SUGCT: variants seen among roughly 807,000 people sequenced by gnomAD.
The protein encoded by SUGCT is succinyl-CoA:glutarate-CoA transferase.
Under a neutral mutation model 55.0 loss-of-function variants are expected in SUGCT, and 41 were observed. That is an observed-to-expected ratio of 0.74 (90% CI 0.58 to 0.97). SUGCT has a LOEUF of 0.97. Among genes scored for constraint, SUGCT ranks in the 50% least tolerant of loss-of-function variants. The pLI, the probability that SUGCT is intolerant of heterozygous loss-of-function variation, is 0.00. For synonymous variants in SUGCT, 187 were observed against 200.4 expected (o/e 0.93, Z 0.56); for missense variants, 568 against 547.8 (o/e 1.04, Z -0.37).
chr7:40,323,642 C>A (rs1176722699), intron 9 of SUGCT, among the ~76,000 whole-genome samples: 1 of 152,164 alleles, frequency 6.6e-6, no homozygotes. Flanking sequence ...ATCTTCCCAC[C>A]TTCACCTCCC....
intron 1 of SUGCT, among the ~76,000 whole-genome samples, chr7:40,161,618 G>A (rs1349926303): frequency 1.3e-5 from 2 of 152,192 alleles, no homozygotes; most frequent in Non-Finnish European, 2.9e-5. Flanking sequence ...GGAGAATCAC[G>A]TCACCAATGT....
intron 7 of SUGCT, among the ~76,000 whole-genome samples, chr7:40,264,505 G>C (rs900544769): frequency 6.6e-6 from 1 of 152,188 alleles, no homozygotes; most frequent in Non-Finnish European, 1.5e-5. Context: ...TGCCCATGAA[G>C]TGTGAATGCA....
chr7:41,022,669 T>C, the SUGCT span, among the ~76,000 whole-genome samples: 1 of 152,182 alleles, frequency 6.6e-6, no homozygotes, highest in Non-Finnish European at 1.5e-5. Flanking sequence ...TCCATAGAAC[T>C]AATATATTTT....
At chr7:40,463,300 G>T (rs1724616237) in intron 11 of SUGCT, among the ~76,000 whole-genome samples, 1 of 152,116 alleles carries the variant, frequency 6.6e-6, no homozygotes, top group African/African-American at 2.4e-5. Flanking sequence ...ATTTTAAAAA[G>T]TTTTCTCATC....
intron 13 of SUGCT, among the ~76,000 whole-genome samples, chr7:40,842,771 A>G (rs1042586104): frequency 6.6e-6 from 1 of 152,198 alleles, no homozygotes; most frequent in Non-Finnish European, 1.5e-5. Context: ...AGAATGTTTC[A>G]TTTTTGGAAT....
chr7:41,009,941 C>T, the SUGCT span, among the ~76,000 whole-genome samples: 1 of 152,166 alleles, frequency 6.6e-6, no homozygotes, highest in African/African-American at 2.4e-5. Context: ...AAGAAACTTC[C>T]CTTGAGATAT....
chr7:40,162,989 A>G (rs983746750), intron 1 of SUGCT, among the ~76,000 whole-genome samples: 19 of 152,212 alleles, frequency 1.2e-4, no homozygotes, highest in African/African-American at 4.3e-4. Flanking sequence ...GTTGCTCAAT[A>G]CAATAAAAAC....
At chr7:40,836,243 A>C (rs1194701849) in intron 13 of SUGCT, among the ~76,000 whole-genome samples, 8 of 152,184 alleles carry the variant, frequency 5.3e-5, no homozygotes, top group Non-Finnish European at 8.8e-5. Flanking sequence ...CAAAATGAAA[A>C]GCATTAATCA....
intron 1 of SUGCT, among the ~76,000 whole-genome samples, chr7:40,167,405 GA>G (rs1784472932): frequency 6.6e-6 from 1 of 152,352 alleles, no homozygotes; most frequent in South Asian, 2.1e-4. Context: ...TTAGGTGCTA[GA>G]AAGTTCTCTT....
intron 8 of SUGCT, among the ~76,000 whole-genome samples, chr7:40,295,116 C>G (rs2151062986): frequency 6.6e-6 from 1 of 152,126 alleles, no homozygotes; most frequent in South Asian, 2.1e-4. Context: ...AAGTATGGAG[C>G]ATAGTACTTT....
intron 9 of SUGCT, among the ~76,000 whole-genome samples, chr7:40,423,466 G>T (rs539540905): frequency 2.6e-5 from 4 of 151,962 alleles, no homozygotes; most frequent in African/African-American, 7.2e-5. Context: ...ATATAACTTT[G>T]CTTTACAGTA....
chr7:40,432,366 A>C (rs987510248), intron 9 of SUGCT, among the ~76,000 whole-genome samples: 3 of 152,080 alleles, frequency 2.0e-5, no homozygotes, highest in African/African-American at 7.2e-5. Flanking sequence ...TTTTGTACAT[A>C]ATGAGTCAAT....
chr7:40,621,922 C>G (rs1478764666), intron 12 of SUGCT, among the ~76,000 whole-genome samples: 2 of 152,174 alleles, frequency 1.3e-5, no homozygotes, highest in African/African-American at 2.4e-5. Flanking sequence ...CATTCCCTCC[C>G]CCAACTTCTG....
rs577721902 is a variant in SUGCT, at chr7:40,416,097, A to C, written c.817-33190A>C. Among the ~76,000 whole-genome samples the C allele has an allele frequency of 2.0e-5, 3 of 152,084 alleles. No individual in the cohort carries two copies. The East Asian group carries it at 5.8e-4, about 29-fold the overall frequency. On this transcript the variant is annotated intron_variant, in intron 9 of 13. Transcript: ENST00000335693. ...GCATGAAGTCTTCTTTTCCAAGGAC[A>C]TTGTTTGCCTATGTACTTGTTCAAA...
chr7:40,512,658 T>G (rs1032832821), intron 12 of SUGCT, among the ~76,000 whole-genome samples: 1 of 152,194 alleles, frequency 6.6e-6, no homozygotes, highest in African/African-American at 2.4e-5. Context: ...TGGAAATTTT[T>G]TTTTTAAGAT....
chr7:40,557,895 A>G (rs1002040731), intron 12 of SUGCT, among the ~76,000 whole-genome samples: 1 of 152,162 alleles, frequency 6.6e-6, no homozygotes, highest in African/African-American at 2.4e-5. Context: ...TATTTAAAGA[A>G]CCTTTATTGG....
intron 13 of SUGCT, 83 bp downstream of exon 13, chr7:40,749,580 T>C (rs779421367): frequency 1.8e-6 from 2 of 1,112,638 alleles, no homozygotes; most frequent in Non-Finnish European, 2.7e-6. Context: ...GCTTATGAGC[T>C]CCCAAACAAC....
intron 12 of SUGCT, among the ~76,000 whole-genome samples, chr7:40,583,849 T>C (rs974085563): frequency 5.3e-5 from 8 of 152,342 alleles, no homozygotes; most frequent in African/African-American, 1.4e-4. Flanking sequence ...ATTGTGCTTA[T>C]GTAACCCAGT....
At chr7:40,932,983 C>T in the SUGCT span, among the ~76,000 whole-genome samples, 5 of 152,014 alleles carry the variant, frequency 3.3e-5, no homozygotes, top group East Asian at 1.9e-4. Context: ...TTATGATGTT[C>T]GCTGGTTATT....
Sources: gnomAD v4.1 joint callset for allele counts (sites outside exome capture counted in the v4.1 genomes callset) on GRCh38, gnomAD v4.1.1 for gene constraint, MANE v1.5 for transcripts, NCBI Gene and HGNC (gene_info 2026-07-23, HGNC 2026-07-21) for gene names.